The following ALG13 variants were observed in gnomAD, a reference collection of about 807,000 sequenced individuals.
The protein encoded by ALG13 is UDP-N-acetylglucosamine transferase subunit ALG13.
A neutral mutation model predicts 87.8 loss-of-function variants in ALG13; 11 were observed. That is an observed-to-expected ratio of 0.13 (90% CI 0.08 to 0.21). The LOEUF is 0.21. Ranked by LOEUF, ALG13 falls within the 10% of genes least tolerant of loss-of-function variation. The probability of loss-of-function intolerance (pLI) is 1.00; values close to 1 mark genes in which losing one functional copy is unlikely to be tolerated. For missense variants in ALG13, 756 were observed against 866.1 expected, an observed-to-expected ratio of 0.87 and a Z score of 1.60; for synonymous variants, 320 against 306.3, an observed-to-expected ratio of 1.04 and a Z score of -0.47.
intron 3 of ALG13, among the ~76,000 whole-genome samples, chrX:111,703,185 GTCA>G (rs747566924): frequency 2.3e-3 from 250 of 107,845 alleles, no homozygotes; most frequent in African/African-American, 6.7e-3. Context: ...TTTTTATATT[GTCA>G]TCATCATCAT....
intron 3 of ALG13, chrX:111,687,735 A>G (rs1427120185): frequency 9.6e-6 from 4 of 415,034 alleles, no homozygotes; most frequent in African/African-American, 7.8e-5. Context: ...TAATCCTAGT[A>G]TGTATACTTA....
At position 111,757,572 on chromosome X, in the gene ALG13, C is replaced by T; in HGVS notation, c.2974-16C>T. 8.6e-7 allele frequency: 1 copy of T among 1,161,257 alleles called. No individual in the cohort carries two copies. Among genetic ancestry groups the T allele is most frequent in the South Asian group, 2.0e-5 (1 of 49,524 alleles). On this transcript the variant is annotated splice_polypyrimidine_tract_variant and intron_variant, in intron 25 of 26. Coordinates refer to ENST00000394780, the MANE Select transcript of ALG13 (RefSeq NM_001099922.3). The stretch of plus-strand genomic sequence containing the variant: ...AGTGAAGTTTCTTATTTTTTTGTTG[C>T]CCTTTCTTGCTCAAGTGCTATTACC...
chrX:111,723,803 C>T lies in ALG13; in HGVS notation c.1506C>T (p.Cys502=). The T allele has an allele frequency of 7.7e-6, 9 of 1,164,028 alleles. No homozygotes were observed. Among genetic ancestry groups the T allele is most frequent in the Non-Finnish European group, 1.0e-5 (9 of 863,911 alleles). The change falls in exon 14 of 27, where the codon TGC becomes TGT. Residue 502 remains cysteine (C), a synonymous_variant. Transcript: ENST00000394780. ...TAGAAGTATTCTCTTTTCAGGTTTG[C>T]TTGGAATCAGAAGGAAGATATTATA... ...QYYLGDKCQV[C]LESEGRYYNA...
At chrX:111,757,493 ATTT>A (rs75519151) in intron 25 of ALG13, 92 bp from the exon 26 acceptor site, 1,489 of 535,015 alleles carry the variant, frequency 2.8e-3, no homozygotes, top group Non-Finnish European at 3.2e-3. Context: ...CCCAATTCTT[ATTT>A]TTTTTTTTTT....
At chrX:111,745,124 CTGTTTTGTTTTGTTT>C (rs756641137) in intron 24 of ALG13, among the ~76,000 whole-genome samples, 1 of 111,046 alleles carries the variant, frequency 9.0e-6, no homozygotes, top group African/African-American at 3.3e-5. Context: ...ACGTGTGCTG[CTGTTTTGTTTTGTTT>C]TGTTTTGTTT....
At chrX:111,733,927 ATGTT>A (rs756062346) in intron 21 of ALG13, among the ~76,000 whole-genome samples, 1 of 111,590 alleles carries the variant, frequency 9.0e-6, no homozygotes, top group Non-Finnish European at 1.9e-5. Context: ...ATTTTTTCTT[ATGTT>A]TGTTGACCAT....
intron 8 of ALG13, among the ~76,000 whole-genome samples, chrX:111,714,905 T>A (rs1425867590): frequency 1.8e-5 from 2 of 112,363 alleles, no homozygotes; most frequent in Non-Finnish European, 3.8e-5. Context: ...CTTTTGTATC[T>A]AAGCAGTTGT....
At chrX:111,711,598 G>A in intron 5 of ALG13, 77 bp from the exon 6 acceptor site, 4 of 962,710 alleles carry the variant, frequency 4.2e-6, no homozygotes, top group Non-Finnish European at 5.8e-6. Context: ...AAAACGCATT[G>A]CAGGATAATG....
At chrX:111,688,544 CAG>C in intron 3 of ALG13, 1 of 745,925 alleles carries the variant, frequency 1.3e-6, no homozygotes, top group Non-Finnish European at 1.6e-6. Flanking sequence ...TCCTAAAGAA[CAG>C]AGTGGAGTGG....
chrX:111,759,322 C>G (rs765113319), intron 26 of ALG13, among the ~76,000 whole-genome samples: 2 of 110,684 alleles, frequency 1.8e-5, no homozygotes, highest in Admixed American at 9.6e-5. Context: ...CAGGTATAGA[C>G]CAGAATGTCT....
intron 14 of ALG13, among the ~76,000 whole-genome samples, chrX:111,724,587 T>G (rs1201415229): frequency 8.9e-6 from 1 of 112,266 alleles, no homozygotes; most frequent in Non-Finnish European, 1.9e-5. Flanking sequence ...AACCACTTGC[T>G]GAATCTTAAA....
chrX:111,744,602 A>T, intron 23 of ALG13, 66 bp from the exon 24 acceptor site: 1 of 1,076,357 alleles, frequency 9.3e-7, no homozygotes, highest in Non-Finnish European at 1.3e-6. Flanking sequence ...AGAAAAGTAG[A>T]TGAGCCTACT....
rs1229717685 is a variant in ALG13 at position 111,735,116 on chromosome X, C to G, written c.2523C>G (p.Pro841=). Residue 841 remains proline (P), a synonymous_variant, in exon 22 of 27, where the codon CCC becomes CCG. Coordinates refer to ENST00000394780, the MANE Select transcript of ALG13 (RefSeq NM_001099922.3). ...PQDTVTSYNY[P]QKMMGNIAAV... ...ACACAGTTACCTCATACAACTACCC[C>G]CAGAAGGTAATCCTCATAGTGTTAT... 2.6e-6 allele frequency: 3 copies of G among 1,167,249 alleles called. No homozygotes were observed. The African/African-American group carries it at 5.3e-5, about 21-fold the overall frequency.
At chrX:111,696,982 CTTTTT>C (rs55888261) in intron 3 of ALG13, among the ~76,000 whole-genome samples, 3 of 74,153 alleles carry the variant, frequency 4.0e-5, no homozygotes, top group African/African-American at 5.4e-5. Context: ...TGGTTCTTAC[CTTTTT>C]TTTTTTTTTT....
Position 111,682,238 on chromosome X carries a change from A to G in ALG13, c.188A>G (p.Tyr63Cys), listed in dbSNP as rs780942708. The part of the protein sequence containing the change: ...TESFTLDVYR[Y>C]KDSLKEDIQK... ...TCGTTTACTCTGGATGTTTACAGGTACAAGGATTCCTTGAAAGAAGACATT... is the reference window on the plus strand; with the variant it reads ...TCGTTTACTCTGGATGTTTACAGGTGCAAGGATTCCTTGAAAGAAGACATT... Residue 63 changes from tyrosine to cysteine, a missense_variant, in exon 2 of 27, where the codon TAC (tyrosine) becomes TGC (cysteine). Coordinates refer to ENST00000394780, the MANE Select transcript of ALG13 (RefSeq NM_001099922.3). The G allele has an allele frequency of 8.4e-7, 1 of 1,197,517 alleles. No individual in the cohort carries two copies. Among genetic ancestry groups the G allele is most frequent in the Non-Finnish European group, 1.1e-6 (1 of 887,855 alleles).
At chrX:111,720,286 C>T in intron 11 of ALG13, 116 bp downstream of exon 11, 1 of 401,766 alleles carries the variant, frequency 2.5e-6, no homozygotes, top group East Asian at 4.1e-5. Context: ...AGGAGTTGGT[C>T]ATTTTCCTTT....
intron 10 of ALG13, among the ~76,000 whole-genome samples, chrX:111,719,435 G>A (rs774764185): frequency 7.1e-4 from 80 of 112,203 alleles, no homozygotes; most frequent in South Asian, 3.7e-3. Context: ...TCAGGCTTAC[G>A]GAAACTACAG....
At chrX:111,739,778 C>T (rs1445114934) in intron 23 of ALG13, among the ~76,000 whole-genome samples, 1 of 112,660 alleles carries the variant, frequency 8.9e-6, no homozygotes, top group African/African-American at 3.2e-5. Flanking sequence ...TAATCACTAG[C>T]CACGTGTGGA....
chrX:111,734,610 A>G (rs774058981), intron 21 of ALG13, among the ~76,000 whole-genome samples: 1 of 112,301 alleles, frequency 8.9e-6, no homozygotes, highest in Non-Finnish European at 1.9e-5. Context: ...AAGCCAGAGG[A>G]GAATGATATT....
Sources: allele counts gnomAD v4.1 joint callset (sites outside exome capture counted in the v4.1 genomes callset), GRCh38; gene constraint gnomAD v4.1.1; transcripts MANE v1.5; gene names NCBI Gene and HGNC (gene_info 2026-07-23, HGNC 2026-07-21).